Variants in C16orf74 observed in about 807,000 individuals in gnomAD.
The protein encoded by C16orf74 is calcimembrin, also known as uncharacterized protein C16orf74.
In C16orf74, 10 loss-of-function variants were observed where a neutral mutation model predicts 6.5. The observed-to-expected ratio is 1.54, with a 90% CI of 0.95 to 2.61. The LOEUF is 2.61. Among genes scored for constraint, C16orf74 ranks in the 30% most tolerant of loss-of-function variants. The pLI is 0.00. For missense variants in C16orf74, 141 were observed against 105.9 expected, an observed-to-expected ratio of 1.33 and a Z score of -1.45; for synonymous variants, 60 against 42.5, an observed-to-expected ratio of 1.41 and a Z score of -1.60.
intron 1 of C16orf74, among the ~76,000 whole-genome samples, chr16:85,745,579 CAG>C (rs1286608639): frequency 6.7e-6 from 1 of 150,254 alleles, no homozygotes; most frequent in East Asian, 2.0e-4. Flanking sequence ...TTTTCAAAGA[CAG>C]AGAATCTCCC....
intron 2 of C16orf74, among the ~76,000 whole-genome samples, chr16:85,731,629 C>T (rs189958324): frequency 2.6e-5 from 4 of 152,082 alleles, no homozygotes; most frequent in Non-Finnish European, 5.9e-5. Flanking sequence ...CCAAAAGATA[C>T]ACCTAACCGG....
At position 85,718,677 on chromosome 16, in the gene C16orf74, G is replaced by A. The variant is rs374770043; in HGVS notation, c.29-8370C>T. 5.3e-4 allele frequency among the ~76,000 whole-genome samples: 81 copies of A among 152,368 alleles called. No homozygotes were observed. In the South Asian group the frequency reaches 0.011, roughly 21 times the overall value. On this transcript the variant is annotated intron_variant, in intron 2 of 3. Coordinates refer to ENST00000284245, the MANE Select transcript of C16orf74 (RefSeq NM_206967.3). ...CTCACTCCAGCCAATGCGGTGCGAT[G>A]ATTCTATATGCGTTTTGTGGATGAG... is the stretch of plus-strand genomic sequence containing the variant.
intron 1 of C16orf74, among the ~76,000 whole-genome samples, chr16:85,735,695 T>C (rs1269824708): frequency 3.4e-4 from 52 of 151,324 alleles, no homozygotes; most frequent in Admixed American, 9.2e-4. Context: ...TTTTTTTTTT[T>C]CCCCTAATGC....
At chr16:85,731,760 T>C (rs899271587) in intron 2 of C16orf74, among the ~76,000 whole-genome samples, 2 of 152,000 alleles carry the variant, frequency 1.3e-5, no homozygotes, top group Non-Finnish European at 2.9e-5. Context: ...TGATCACAGC[T>C]CACTGCAGCC....
At chr16:85,739,393 G>A (rs933524036) in intron 1 of C16orf74, among the ~76,000 whole-genome samples, 1 of 152,144 alleles carries the variant, frequency 6.6e-6, no homozygotes, top group African/African-American at 2.4e-5. Flanking sequence ...TCTCAACCCA[G>A]GGTTTGAAAA....
intron 1 of C16orf74, among the ~76,000 whole-genome samples, chr16:85,739,529 G>C (rs888310278): frequency 2.6e-5 from 4 of 152,214 alleles, no homozygotes; most frequent in African/African-American, 9.6e-5. Flanking sequence ...AGAGCAGCGG[G>C]ATGCTGTTTA....
Position 85,707,861 on chromosome 16 carries a change from C to CCTG in C16orf74, c.*144_*146dup, listed in dbSNP as rs960829331. ...TGGACAGGCTGGATTCCTCGCTGGT[C>CCTG]CTGCCACGTCTCTCTGAGCGGAGGC... On this transcript the variant is annotated 3_prime_UTR_variant, in exon 4 of 4. Transcript: ENST00000284245. The CCTG allele has an allele frequency of 1.7e-4, 110 of 654,600 alleles. No homozygotes were observed. The African/African-American group carries it at 1.8e-3, about 11-fold the overall frequency. The allele number at this position is 654,600 out of a possible 1,614,324, so 40.5% of individuals were successfully genotyped here.
intron 1 of C16orf74, among the ~76,000 whole-genome samples, chr16:85,749,026 G>C (rs986163457): frequency 6.7e-6 from 1 of 149,384 alleles, no homozygotes; most frequent in Admixed American, 6.7e-5. Context: ...GGTGATGCTC[G>C]TGCCTCACCC....
At chr16:85,736,582 G>T (rs1323797187) in intron 1 of C16orf74, among the ~76,000 whole-genome samples, 2 of 151,980 alleles carry the variant, frequency 1.3e-5, no homozygotes, top group African/African-American at 2.4e-5. Context: ...GAGGGAAAGC[G>T]AGAGATACTG....
intron 2 of C16orf74, among the ~76,000 whole-genome samples, chr16:85,716,477 G>A (rs748679095): frequency 9.2e-5 from 13 of 142,024 alleles, no homozygotes; most frequent in Non-Finnish European, 2.0e-4. Context: ...GAAGGGAGGA[G>A]GAGAGAGGGG....
At chr16:85,743,383 C>T (rs959384986) in intron 1 of C16orf74, 1 of 152,192 alleles carries the variant, frequency 6.6e-6, no homozygotes, top group African/African-American at 2.4e-5. Context: ...AACGATGCCA[C>T]TGAACCCTAA....
At chr16:85,740,061 T>C (rs1353109254) in intron 1 of C16orf74, among the ~76,000 whole-genome samples, 2 of 132,650 alleles carry the variant, frequency 1.5e-5, no homozygotes, top group Non-Finnish European at 1.6e-5. Context: ...AATACAAAAA[T>C]TAGCCAGGCG....
At chr16:85,717,574 G>A (rs988956485) in intron 2 of C16orf74, among the ~76,000 whole-genome samples, 45 of 152,164 alleles carry the variant, frequency 3.0e-4, no homozygotes, top group African/African-American at 3.6e-4. Flanking sequence ...CCAGCTGGCC[G>A]GGGCCTAGGG....
At chr16:85,716,761 C>T (rs1172580639) in intron 2 of C16orf74, among the ~76,000 whole-genome samples, 1 of 151,906 alleles carries the variant, frequency 6.6e-6, no homozygotes, top group East Asian at 1.9e-4. Context: ...CCTCTCACAT[C>T]CCCAGGGCCT....
intron 2 of C16orf74, among the ~76,000 whole-genome samples, chr16:85,712,429 G>C (rs2053979340): frequency 6.6e-6 from 1 of 152,248 alleles, no homozygotes; most frequent in Non-Finnish European, 1.5e-5. Flanking sequence ...GGGATGGCAG[G>C]TGCACAGTGG....
intron 2 of C16orf74, among the ~76,000 whole-genome samples, chr16:85,715,926 G>A (rs549150721): frequency 1.3e-5 from 2 of 152,238 alleles, no homozygotes; most frequent in East Asian, 3.9e-4. Flanking sequence ...AAAGCACTTC[G>A]CCCAGCCAGC....
At chr16:85,719,641 G>A (rs1218158452) in intron 2 of C16orf74, among the ~76,000 whole-genome samples, 1 of 152,128 alleles carries the variant, frequency 6.6e-6, no homozygotes, top group Non-Finnish European at 1.5e-5. Flanking sequence ...AGGGGCAGAT[G>A]ATAAGCCCAC....
At chr16:85,721,253 G>A (rs957033836) in intron 2 of C16orf74, among the ~76,000 whole-genome samples, 2 of 151,918 alleles carry the variant, frequency 1.3e-5, no homozygotes, top group Admixed American at 6.6e-5. Context: ...ACCCTGCCTG[G>A]CCACGGAAAC....
chr16:85,735,322 G>C lies in C16orf74; in HGVS notation c.-18-87C>G, dbSNP rs973720154. 3 of 889,820 alleles carry C rather than the reference G, an allele frequency of 3.4e-6. 1 individual carries two copies. The highest frequency in any genetic ancestry group is 4.2e-5 in the South Asian group (2 of 48,100). The allele number at this position is 889,820 out of a possible 1,614,324, so 55.1% of individuals were successfully genotyped here. ...CAGCCGGGCCCCCACCCTTGGCCCT[G>C]ATGAGTGCAAAACAGGAGGTTGTGG... is the stretch of plus-strand genomic sequence containing the variant. On this transcript the variant is annotated intron_variant, in intron 1 of 3. Coordinates refer to ENST00000284245, the MANE Select transcript of C16orf74 (RefSeq NM_206967.3).
Sources: allele counts gnomAD v4.1 joint callset (sites outside exome capture counted in the v4.1 genomes callset), GRCh38; gene constraint gnomAD v4.1.1; transcripts MANE v1.5; gene names NCBI Gene and HGNC (gene_info 2026-07-23, HGNC 2026-07-21).